SLC24A2: variants seen among roughly 807,000 people sequenced by gnomAD.
SLC24A2 encodes the protein solute carrier family 24 member 2.
Under a neutral mutation model 62.0 loss-of-function variants are expected in SLC24A2, and 36 were observed. The observed-to-expected ratio is 0.58, with a 90% CI of 0.44 to 0.77. The LOEUF (loss-of-function observed/expected upper bound fraction) is 0.77, where lower values mean the gene tolerates loss of function less well. SLC24A2 is among the 30% of genes least tolerant of loss of function. The pLI, the probability that SLC24A2 is intolerant of heterozygous loss-of-function variation, is 0.00. For missense variants in SLC24A2, 846 were observed against 817.9 expected, an observed-to-expected ratio of 1.03 and a Z score of -0.42; for synonymous variants, 358 against 294.0, an observed-to-expected ratio of 1.22 and a Z score of -2.23.
Position 19,636,327 on chromosome 9 carries a change from CTTTCTTT to C in SLC24A2, c.931-14035_931-14029del, listed in dbSNP as rs1818337226. ...TTCTTTTCTTTTCTTTTCTTTCTTTCTTTCTTTCTTTCTTTCTTTCTTTCTTTCTTTC... is the reference window on the plus strand; with the variant it reads ...TTCTTTTCTTTTCTTTTCTTTCTTTCCTTTCTTTCTTTCTTTCTTTCTTTC... On this transcript the variant is annotated intron_variant, in intron 2 of 10. Transcript: ENST00000341998. Among the ~76,000 whole-genome samples the C allele has an allele frequency of 6.7e-4, 14 of 20,748 alleles. 1 individual carries two copies. Among genetic ancestry groups the C allele is most frequent in the East Asian group, 1.9e-3 (2 of 1,044 alleles). 13.6% of individuals were successfully genotyped at this position (20,748 alleles called of 152,430 possible).
the SLC24A2 span, among the ~76,000 whole-genome samples, chr9:20,060,237 A>G: frequency 1.3e-5 from 2 of 152,124 alleles, no homozygotes; most frequent in East Asian, 3.8e-4. Context: ...TTAAAGAAGA[A>G]AAACATCAAT....
At chr9:20,282,001 C>T in the SLC24A2 span, among the ~76,000 whole-genome samples, 1 of 152,152 alleles carries the variant, frequency 6.6e-6, no homozygotes, top group Non-Finnish European at 1.5e-5. Context: ...ATAAATTGCA[C>T]TGGGACTCTG....
the SLC24A2 span, among the ~76,000 whole-genome samples, chr9:20,211,009 G>T: frequency 2.6e-5 from 4 of 151,866 alleles, no homozygotes; most frequent in African/African-American, 9.7e-5. Flanking sequence ...TTAGGTTTTA[G>T]AAGGACAAGA....
chr9:20,128,594 A>C, the SLC24A2 span, among the ~76,000 whole-genome samples: 1 of 152,158 alleles, frequency 6.6e-6, no homozygotes, highest in Non-Finnish European at 1.5e-5. Flanking sequence ...CCAGGATCTC[A>C]GAATATATTT....
chr9:19,800,748 C>T, the SLC24A2 span, among the ~76,000 whole-genome samples: 1 of 151,910 alleles, frequency 6.6e-6, no homozygotes, highest in Non-Finnish European at 1.5e-5. Flanking sequence ...TTGTTGTTTT[C>T]CAGTTATAAA....
chr9:19,987,824 A>T, the SLC24A2 span, among the ~76,000 whole-genome samples: 1 of 152,190 alleles, frequency 6.6e-6, no homozygotes, highest in Non-Finnish European at 1.5e-5. Context: ...AACTGAAGCC[A>T]CCAATCCTTA....
At position 19,548,886 on chromosome 9, in the gene SLC24A2, G is replaced by T. The variant is rs138059704; in HGVS notation, c.1479+1251C>A. Among the ~76,000 whole-genome samples the T allele has an allele frequency of 1.1e-3, 175 of 152,304 alleles. 1 individual carries two copies. The highest frequency in any genetic ancestry group is 4.0e-3 in the African/African-American group (167 of 41,556). ...CAAACAGAAATGAGACTCTCACGAG[G>T]AACATTTAGTGCAGAATCTGATGCA... On this transcript the variant is annotated intron_variant, in intron 8 of 10. Coordinates refer to ENST00000341998, the MANE Select transcript of SLC24A2 (RefSeq NM_020344.4).
chr9:19,534,828 T>G (rs1317911218), intron 8 of SLC24A2, among the ~76,000 whole-genome samples: 2 of 152,210 alleles, frequency 1.3e-5, no homozygotes, highest in African/African-American at 4.8e-5. Context: ...TATGTGTACA[T>G]GTGTCTTTAT....
intron 5 of SLC24A2, among the ~76,000 whole-genome samples, chr9:19,592,312 T>A (rs1836576533): frequency 1.3e-5 from 2 of 152,188 alleles, no homozygotes; most frequent in Non-Finnish European, 2.9e-5. Flanking sequence ...TTTCTACCAT[T>A]TTCTCCCTTA....
chr9:19,785,760 C>A (rs968255758), intron 2 of SLC24A2, among the ~76,000 whole-genome samples, 177 bp downstream of exon 2: 1 of 152,088 alleles, frequency 6.6e-6, no homozygotes, highest in African/African-American at 2.4e-5. Flanking sequence ...GCAAGAATAC[C>A]CCAAAATTAT....
the SLC24A2 span, chr9:19,929,278 C>G: frequency 6.6e-6 from 1 of 152,154 alleles, no homozygotes; most frequent in African/African-American, 2.4e-5. Context: ...CTCTGGCAGC[C>G]GGAAGTCCAA....
At chr9:19,652,352 T>C (rs1243168231) in intron 2 of SLC24A2, among the ~76,000 whole-genome samples, 1 of 152,206 alleles carries the variant, frequency 6.6e-6, no homozygotes, top group African/African-American at 2.4e-5. Context: ...AAAGGGACTT[T>C]GCAGATGTGA....
the SLC24A2 span, among the ~76,000 whole-genome samples, chr9:20,122,691 A>G: frequency 5.7e-4 from 87 of 152,250 alleles, no homozygotes; most frequent in Admixed American, 1.9e-3. Flanking sequence ...GTCTCGAAAA[A>G]ACAAACAACA....
chr9:20,260,527 T>C, the SLC24A2 span, among the ~76,000 whole-genome samples: 2 of 152,358 alleles, frequency 1.3e-5, 1 homozygote, highest in South Asian at 4.1e-4. Flanking sequence ...TTCAATTTCA[T>C]TTTATAGAAA....
chr9:19,766,332 T>C (rs575249517), intron 2 of SLC24A2, among the ~76,000 whole-genome samples: 3 of 152,226 alleles, frequency 2.0e-5, no homozygotes, highest in Non-Finnish European at 4.4e-5. Flanking sequence ...TCCAGTTTTG[T>C]TCCCTTGCTG....
the SLC24A2 span, among the ~76,000 whole-genome samples, chr9:20,232,327 T>C: frequency 6.6e-6 from 1 of 152,236 alleles, no homozygotes; most frequent in Non-Finnish European, 1.5e-5. Flanking sequence ...CTCCTCTTTG[T>C]ACCTCTGGTA....
At chr9:19,646,171 T>C (rs1056501694) in intron 2 of SLC24A2, among the ~76,000 whole-genome samples, 7 of 152,208 alleles carry the variant, frequency 4.6e-5, no homozygotes, top group African/African-American at 1.7e-4. Flanking sequence ...GGCCACTTTG[T>C]GTAACTAATA....
At chr9:19,546,632 T>A in intron 8 of SLC24A2, among the ~76,000 whole-genome samples, 1 of 151,866 alleles carries the variant, frequency 6.6e-6, no homozygotes, top group South Asian at 2.1e-4. Context: ...TCCGTGGGGG[T>A]TGGACCCACC....
At chr9:19,735,687 G>A (rs1274982997) in intron 2 of SLC24A2, among the ~76,000 whole-genome samples, 1 of 152,168 alleles carries the variant, frequency 6.6e-6, no homozygotes, top group Non-Finnish European at 1.5e-5. Context: ...CATAAAAAAT[G>A]ATGAGTTCAT....
Sources: gnomAD v4.1 joint callset for allele counts (sites outside exome capture counted in the v4.1 genomes callset) on GRCh38, gnomAD v4.1.1 for gene constraint, MANE v1.5 for transcripts, NCBI Gene and HGNC (gene_info 2026-07-23, HGNC 2026-07-21) for gene names.